The following RAB3C variants were observed in gnomAD, a reference collection of about 807,000 sequenced individuals.
RAB3C encodes ras-related protein Rab-3C.
RAB3C carries 17 observed loss-of-function variants against 26.4 expected under a neutral mutation model. The ratio of observed to expected loss-of-function variants is 0.64; its 90% CI spans 0.44 to 0.97. The LOEUF is 0.97. Among genes scored for constraint, RAB3C ranks in the 50% least tolerant of loss-of-function variants. The pLI, the probability that RAB3C is intolerant of heterozygous loss-of-function variation, is 0.00. For synonymous variants in RAB3C, 91 were observed against 95.9 expected, an observed-to-expected ratio of 0.95 and a Z score of 0.30; for missense variants, 242 against 281.9, an observed-to-expected ratio of 0.86 and a Z score of 1.01.
At chr5:58,628,259 A>C (rs1747106957) in intron 2 of RAB3C, among the ~76,000 whole-genome samples, 2 of 152,098 alleles carry the variant, frequency 1.3e-5, no homozygotes, top group Non-Finnish European at 2.9e-5. Context: ...AAAGAGTTGA[A>C]GTAGGTAAAG....
chr5:58,760,588 G>A (rs1001363437), intron 3 of RAB3C, among the ~76,000 whole-genome samples: 2 of 152,184 alleles, frequency 1.3e-5, no homozygotes, highest in African/African-American at 2.4e-5. Flanking sequence ...ATTCATGTAA[G>A]CAGTTGGTAT....
At chr5:58,602,882 G>T (rs773502303) in intron 1 of RAB3C, among the ~76,000 whole-genome samples, 1 of 151,846 alleles carries the variant, frequency 6.6e-6, no homozygotes, top group Non-Finnish European at 1.5e-5. Context: ...TATTCATCAT[G>T]CAATGGTATT....
chr5:58,789,863 G>C (rs1011927644), intron 3 of RAB3C, among the ~76,000 whole-genome samples: 4 of 152,326 alleles, frequency 2.6e-5, no homozygotes, highest in South Asian at 4.1e-4. Context: ...ACATTAGCCA[G>C]ACACACCAGG....
rs115095486 is a variant in RAB3C at position 58,640,777 on chromosome 5, C to G, written c.252+22907C>G. 1.1e-3 allele frequency among the ~76,000 whole-genome samples: 164 copies of G among 152,300 alleles called. 1 individual carries two copies. Among genetic ancestry groups the G allele is most frequent in the African/African-American group, 3.7e-3 (152 of 41,568 alleles). On this transcript the variant is annotated intron_variant, in intron 2 of 4. Coordinates refer to ENST00000282878, the MANE Select transcript of RAB3C (RefSeq NM_138453.4). ...GGTGTCTTCTGTAGGATGCTAATCA[C>G]ACTTAACATCATTTTATAAAGAGGA...
chr5:58,808,112 T>C (rs6863174), intron 3 of RAB3C, among the ~76,000 whole-genome samples: 23,525 of 150,798 alleles, frequency 0.16, 3,227 homozygotes, highest in African/African-American at 0.37. Context: ...GTAGTCCCAG[T>C]TACTCGAGAG....
intron 2 of RAB3C, among the ~76,000 whole-genome samples, chr5:58,685,450 T>C (rs1403800250): frequency 2.0e-5 from 3 of 152,146 alleles, no homozygotes; most frequent in Non-Finnish European, 4.4e-5. Flanking sequence ...CTTATGTGAT[T>C]ACATTGAGCC....
intron 3 of RAB3C, among the ~76,000 whole-genome samples, chr5:58,759,228 T>C (rs1466964797): frequency 6.6e-6 from 1 of 152,120 alleles, no homozygotes; most frequent in South Asian, 2.1e-4. Flanking sequence ...CTGAGGGAGA[T>C]TATAGAAGGA....
At chr5:58,610,393 T>A (rs1432415800) in intron 1 of RAB3C, among the ~76,000 whole-genome samples, 1 of 152,262 alleles carries the variant, frequency 6.6e-6, no homozygotes, top group South Asian at 2.1e-4. Context: ...TCCACATCCT[T>A]GCCAGCAATT....
intron 1 of RAB3C, among the ~76,000 whole-genome samples, chr5:58,591,857 A>G (rs1216088160): frequency 7.2e-6 from 1 of 138,198 alleles, no homozygotes; most frequent in Non-Finnish European, 1.6e-5. Flanking sequence ...ACATATTTTT[A>G]GGTATTTCAA....
chr5:58,705,230 A>G (rs1292826630), intron 2 of RAB3C, among the ~76,000 whole-genome samples: 1 of 152,166 alleles, frequency 6.6e-6, no homozygotes, highest in Non-Finnish European at 1.5e-5. Context: ...TAGAATAACT[A>G]TACATCTGGT....
intron 2 of RAB3C, among the ~76,000 whole-genome samples, chr5:58,625,541 T>C (rs927512957): frequency 6.6e-6 from 1 of 152,132 alleles, no homozygotes; most frequent in Non-Finnish European, 1.5e-5. Flanking sequence ...CCAAGACTGC[T>C]AAGCAGCTCT....
chr5:58,624,930 G>A (rs1380288335), intron 2 of RAB3C, among the ~76,000 whole-genome samples: 1 of 152,082 alleles, frequency 6.6e-6, no homozygotes, highest in Admixed American at 6.6e-5. Flanking sequence ...TCCCTAATGT[G>A]CCACATACAG....
At chr5:58,806,515 C>T (rs1258052687) in intron 3 of RAB3C, among the ~76,000 whole-genome samples, 1 of 152,086 alleles carries the variant, frequency 6.6e-6, no homozygotes, top group African/African-American at 2.4e-5. Flanking sequence ...TCCCTGGATA[C>T]GTGATTATTT....
intron 3 of RAB3C, among the ~76,000 whole-genome samples, chr5:58,771,339 G>C (rs888087388): frequency 3.2e-4 from 49 of 152,110 alleles, no homozygotes; most frequent in African/African-American, 1.1e-3. Flanking sequence ...CAAGGAATAA[G>C]TATTTAGCTA....
Position 58,721,248 on chromosome 5 carries a change from C to CAAA in RAB3C, c.253-4740_253-4738dup, listed in dbSNP as rs61668251. Among the ~76,000 whole-genome samples, 193 of 106,558 alleles carry CAAA rather than the reference C, an allele frequency of 1.8e-3. 2 individuals are homozygous for CAAA. The highest frequency in any genetic ancestry group is 7.2e-3 in the Middle Eastern group (1 of 138). 69.9% of individuals were successfully genotyped at this position (106,558 alleles called of 152,430 possible). A position where few individuals can be genotyped will look rare whatever the true frequency, so the allele number is the denominator to read the frequency against. On this transcript the variant is annotated intron_variant, in intron 2 of 4. Transcript: ENST00000282878. ...AAGCTAACTGAAATAATTTTTTTTT[C>CAAA]AAAAAAAAAAAAAAAAGAGGAAAAT...
chr5:58,808,523 G>T (rs1742997424), intron 3 of RAB3C, among the ~76,000 whole-genome samples: 1 of 152,106 alleles, frequency 6.6e-6, no homozygotes, highest in African/African-American at 2.4e-5. Flanking sequence ...TAAACCCATT[G>T]GGCAAATCTT....
intron 3 of RAB3C, among the ~76,000 whole-genome samples, chr5:58,744,188 G>T (rs1477948062): frequency 6.6e-6 from 1 of 152,216 alleles, no homozygotes; most frequent in African/African-American, 2.4e-5. Context: ...GCAGGGGTTT[G>T]TTGTAGACAT....
chr5:58,721,248 C>CA (rs61668251), intron 2 of RAB3C, among the ~76,000 whole-genome samples: 3,771 of 106,388 alleles, frequency 0.035, 70 homozygotes, highest in African/African-American at 0.056. Context: ...ATTTTTTTTT[C>CA]AAAAAAAAAA....
chr5:58,684,662 G>A (rs1561288501), intron 2 of RAB3C, among the ~76,000 whole-genome samples: 1 of 152,174 alleles, frequency 6.6e-6, no homozygotes, highest in Non-Finnish European at 1.5e-5. Flanking sequence ...CATATAGGAG[G>A]GGAGTATTAA....
Sources: allele counts gnomAD v4.1 joint callset (sites outside exome capture counted in the v4.1 genomes callset), GRCh38; gene constraint gnomAD v4.1.1; transcripts MANE v1.5; gene names NCBI Gene and HGNC (gene_info 2026-07-23, HGNC 2026-07-21).